The following NCKAP5 variants were observed in gnomAD, a reference collection of about 807,000 sequenced individuals.
The protein encoded by NCKAP5 is nck-associated protein 5.
A neutral mutation model predicts 167.0 loss-of-function variants in NCKAP5; 92 were observed. The observed-to-expected ratio is 0.55, with a 90% CI of 0.47 to 0.66. The LOEUF is 0.66. Among genes scored for constraint, NCKAP5 ranks in the 30% least tolerant of loss-of-function variants. The probability of loss-of-function intolerance (pLI) is 0.00; values close to 1 mark genes in which losing one functional copy is unlikely to be tolerated. For missense variants in NCKAP5, 2,378 were observed against 2,315.0 expected, an observed-to-expected ratio of 1.03 and a Z score of -0.56; for synonymous variants, 891 against 877.4, an observed-to-expected ratio of 1.02 and a Z score of -0.27.
At position 132,782,683 on chromosome 2, in the gene NCKAP5, A is replaced by C. The variant is rs1360282132; in HGVS notation, c.4128T>G (p.Ser1376=). The change falls in exon 14 of 20, where the codon TCT becomes TCG. Residue 1376 remains serine (S), a synonymous_variant. Coordinates refer to ENST00000409261, the MANE Select transcript of NCKAP5 (RefSeq NM_207363.3). Reference sequence around the variant, plus strand: ...TTCCAGGTGGGATGAGGAGTCCCTCAGACTTTGGAGGGATCCTCAAAGGCA... The same window carrying C: ...TTCCAGGTGGGATGAGGAGTCCCTCCGACTTTGGAGGGATCCTCAAAGGCA... ...SKLPLRIPPK[S]EGLLIPPGKE... 1.2e-6 allele frequency: 2 copies of C among 1,613,712 alleles called. No homozygotes were observed. Among genetic ancestry groups the C allele is most frequent in the African/African-American group, 2.7e-5 (2 of 74,928 alleles).
intron 11 of NCKAP5, among the ~76,000 whole-genome samples, chr2:132,843,680 T>C (rs1688464525): frequency 6.6e-6 from 1 of 152,084 alleles, no homozygotes; most frequent in South Asian, 2.1e-4. Flanking sequence ...ATTTCTCTTT[T>C]TACCATACAT....
intron 3 of NCKAP5, among the ~76,000 whole-genome samples, chr2:133,511,321 C>T (rs992646158): frequency 6.6e-6 from 1 of 152,202 alleles, no homozygotes; most frequent in African/African-American, 2.4e-5. Context: ...CCTGGCCCAG[C>T]CTCCCCTGCC....
chr2:133,622,504 G>T, the NCKAP5 span, among the ~76,000 whole-genome samples: 1 of 151,872 alleles, frequency 6.6e-6, no homozygotes, highest in East Asian at 1.9e-4. Flanking sequence ...ACCAAACTGA[G>T]AATCAAATCA....
intron 6 of NCKAP5, among the ~76,000 whole-genome samples, 200 bp from the exon 7 acceptor site, chr2:132,994,439 T>C (rs2149310447): frequency 6.6e-6 from 1 of 152,314 alleles, no homozygotes; most frequent in Admixed American, 6.5e-5. Flanking sequence ...ACATTCTCTT[T>C]CTCTACCATT....
intron 2 of NCKAP5, among the ~76,000 whole-genome samples, chr2:133,519,125 G>T (rs1382756920): frequency 6.6e-6 from 1 of 152,192 alleles, no homozygotes; most frequent in Non-Finnish European, 1.5e-5. Context: ...CATCAAGAGG[G>T]TTGAGACAGT....
At chr2:133,476,997 G>A (rs1282722108) in intron 3 of NCKAP5, among the ~76,000 whole-genome samples, 1 of 152,178 alleles carries the variant, frequency 6.6e-6, no homozygotes. Context: ...CAAGCCTGCA[G>A]AGGTCTGGCT....
intron 8 of NCKAP5, among the ~76,000 whole-genome samples, chr2:132,933,698 C>CT (rs1400920442): frequency 6.6e-6 from 1 of 152,096 alleles, no homozygotes; most frequent in East Asian, 1.9e-4. Flanking sequence ...GTATGAGTTT[C>CT]TTTTTTTGTC....
the NCKAP5 span, among the ~76,000 whole-genome samples, chr2:133,623,814 G>A: frequency 6.6e-6 from 1 of 151,994 alleles, no homozygotes; most frequent in Non-Finnish European, 1.5e-5. Context: ...AGGAAAGGAA[G>A]TCATTATACA....
At position 133,558,704 on chromosome 2, in the gene NCKAP5, C is replaced by CAAAAAAAAAA. The variant is rs60051493; in HGVS notation, c.-62+336_-62+345dup. Among the ~76,000 whole-genome samples, 104 of 50,864 alleles carry CAAAAAAAAAA rather than the reference C, an allele frequency of 2.0e-3. 17 individuals are homozygous for CAAAAAAAAAA. The highest frequency in any genetic ancestry group is 4.7e-3 in the South Asian group (4 of 856). The allele number at this position is 50,864 out of a possible 152,430, so 33.4% of individuals were successfully genotyped here. ...ACATAAACAGATGCAATGTGCTGAG[C>CAAAAAAAAAA]AAAAAAAAAAAAAAAAAAAAAAGCC... On this transcript the variant is annotated intron_variant, in intron 2 of 19. Transcript: ENST00000409261.
intron 2 of NCKAP5, among the ~76,000 whole-genome samples, chr2:133,533,122 GC>G (rs1411084893): frequency 6.6e-6 from 1 of 152,192 alleles, no homozygotes; most frequent in East Asian, 1.9e-4. Flanking sequence ...GAGTAATTGG[GC>G]TAAGTCAGAG....
chr2:133,140,431 T>C (rs2082954037), intron 5 of NCKAP5, among the ~76,000 whole-genome samples: 1 of 152,182 alleles, frequency 6.6e-6, no homozygotes, highest in Non-Finnish European at 1.5e-5. Flanking sequence ...GTGAATTCTC[T>C]GGCTAGTTTC....
chr2:132,726,061 GCATTTTGTA>G (rs1435791022), intron 18 of NCKAP5, among the ~76,000 whole-genome samples: 7 of 152,164 alleles, frequency 4.6e-5, no homozygotes. Context: ...TACCTGGTCT[GCATTTTGTA>G]CACTTCTTTA....
intron 5 of NCKAP5, among the ~76,000 whole-genome samples, chr2:133,191,848 A>T (rs2085238242): frequency 6.6e-6 from 1 of 152,078 alleles, no homozygotes; most frequent in Admixed American, 6.6e-5. Context: ...CAGCACACCA[A>T]CATGGCACAT....
At chr2:133,436,447 C>A (rs1690486020) in intron 3 of NCKAP5, among the ~76,000 whole-genome samples, 1 of 152,348 alleles carries the variant, frequency 6.6e-6, no homozygotes, top group South Asian at 2.1e-4. Flanking sequence ...CACCACAGGG[C>A]TCTTTACAGA....
intron 3 of NCKAP5, among the ~76,000 whole-genome samples, chr2:133,347,364 AC>A (rs1407481267): frequency 1.3e-5 from 2 of 151,856 alleles, no homozygotes; most frequent in Non-Finnish European, 2.9e-5. Flanking sequence ...GATCAGCCTG[AC>A]CCACATGGAG....
intron 3 of NCKAP5, among the ~76,000 whole-genome samples, chr2:133,341,770 G>A (rs192398404): frequency 2.6e-5 from 4 of 152,146 alleles, no homozygotes; most frequent in Non-Finnish European, 5.9e-5. Flanking sequence ...TATCTTTCCT[G>A]TCTTTACATT....
intron 4 of NCKAP5, among the ~76,000 whole-genome samples, chr2:133,217,756 C>A (rs1407290376): frequency 6.6e-6 from 1 of 151,998 alleles, no homozygotes; most frequent in Non-Finnish European, 1.5e-5. Context: ...AATCTAATAC[C>A]AACTTGCCTG....
At chr2:133,637,837 G>C in the NCKAP5 span, among the ~76,000 whole-genome samples, 4 of 152,076 alleles carry the variant, frequency 2.6e-5, no homozygotes, top group Non-Finnish European at 4.4e-5. Flanking sequence ...AAATGTCCTT[G>C]ATGAAAACCA....
At chr2:133,590,698 T>C in the NCKAP5 span, among the ~76,000 whole-genome samples, 1 of 152,142 alleles carries the variant, frequency 6.6e-6, no homozygotes, top group Non-Finnish European at 1.5e-5. Flanking sequence ...GTCATGCATC[T>C]TTAAATACCA....
Sources: allele counts gnomAD v4.1 joint callset (sites outside exome capture counted in the v4.1 genomes callset), GRCh38; gene constraint gnomAD v4.1.1; transcripts MANE v1.5; gene names NCBI Gene and HGNC (gene_info 2026-07-23, HGNC 2026-07-21).